Variants in ZBTB38 observed in about 807,000 individuals in gnomAD.
ZBTB38 encodes the protein zinc finger and BTB domain containing 38.
A neutral mutation model predicts 76.8 loss-of-function variants in ZBTB38; 20 were observed. The observed-to-expected ratio is 0.26, with a 90% CI of 0.18 to 0.38. The LOEUF is 0.38. ZBTB38 is among the 10% of genes least tolerant of loss of function. The pLI is 1.00. For missense variants in ZBTB38, 1,082 were observed against 1,482.3 expected (o/e 0.73, Z 4.43); for synonymous variants, 504 against 544.2 (o/e 0.93, Z 1.03).
intron 5 of ZBTB38, among the ~76,000 whole-genome samples, chr3:141,414,590 C>G (rs1027558271): frequency 5.9e-5 from 9 of 152,202 alleles, no homozygotes; most frequent in African/African-American, 2.2e-4. Context: ...GCAGCCCTGA[C>G]TAAGTTGCCC....
intron 2 of ZBTB38, among the ~76,000 whole-genome samples, chr3:141,373,012 G>C (rs760674880): frequency 4.6e-5 from 7 of 152,200 alleles, no homozygotes; most frequent in Non-Finnish European, 8.8e-5. Flanking sequence ...ATTACTACAG[G>C]AAGGGGAGTA....
At chr3:141,361,204 C>T (rs1307408110) in intron 1 of ZBTB38, among the ~76,000 whole-genome samples, 1 of 152,124 alleles carries the variant, frequency 6.6e-6, no homozygotes, top group Non-Finnish European at 1.5e-5. Context: ...TTGTCTTGTG[C>T]CTGGTGCCAT....
rs1411065076 is a variant in ZBTB38, at chr3:141,442,931, C to T, written c.543C>T (p.Ser181=). The T allele has an allele frequency of 6.8e-6, 11 of 1,614,206 alleles. No individual in the cohort carries two copies. In the East Asian group the frequency reaches 2.5e-4, roughly 36 times the overall value. ...IETENSNNMF[S]PLDLRASFKK... ...CAGAAAATAGTAATAACATGTTTTC[C>T]CCGCTGGACTTGAGGGCAAGTTTCA... Residue 181 remains serine (S), a synonymous_variant, in exon 6 of 6, where the codon TCC becomes TCT. Transcript: ENST00000321464. The surrounding 1 kb of genome is among the most constrained non-coding windows in gnomAD (Gnocchi z 6.4).
rs761947773 is a variant in ZBTB38, at chr3:141,444,312, C to A, written c.1924C>A (p.Pro642Thr). Reference protein sequence around the residue: ...PLETSACQDIPTSANVQNAEG... With the variant: ...PLETSACQDITTSANVQNAEG... ...GGAAACATCTGCATGTCAGGACATA[C>A]CCACTTCTGCCAATGTACAAAATGC... The change falls in exon 6 of 6, where the codon CCC (proline) becomes ACC (threonine). Residue 642 changes from proline (P) to threonine (T), a missense_variant. Around this residue, in one of 8 missense-constraint regions of ZBTB38, gnomAD observed 471 missense variants for 581.0 expected, o/e 0.81. Transcript: ENST00000321464. This position sits in a 1 kb window ranked among gnomAD's most constrained non-coding sequence, Gnocchi z 5.1. The A allele has an allele frequency of 3.7e-6, 6 of 1,614,068 alleles. No homozygotes were observed. In the Admixed American group the frequency reaches 8.3e-5, roughly 22 times the overall value.
chr3:141,430,070 G>A (rs1456996386), intron 5 of ZBTB38, among the ~76,000 whole-genome samples: 1 of 152,152 alleles, frequency 6.6e-6, no homozygotes, highest in East Asian at 1.9e-4. Context: ...GTTTTGTTTT[G>A]TTTTGTTTTT....
rs139167713 is a variant in ZBTB38, at chr3:141,376,762, C to T, written c.-234-4663C>T. 3.4e-3 allele frequency among the ~76,000 whole-genome samples: 525 copies of T among 152,274 alleles called. 5 individuals carry two copies. Among genetic ancestry groups the T allele is most frequent in the African/African-American group, 0.012 (491 of 41,540 alleles). On this transcript the variant is annotated intron_variant, in intron 2 of 5. Transcript: ENST00000321464. ...CATGTGGTGGTGACAGCAGTGCTTC[C>T]AAATCTCACCCACAGGAGACAAAAA...
chr3:141,367,588 G>A (rs753431041), upstream of ZBTB38: 3 of 152,178 alleles, frequency 2.0e-5, no homozygotes, highest in Admixed American at 6.5e-5. Context: ...ACTCAGCACC[G>A]TGATTAAGAA....
Position 141,445,971 on chromosome 3 carries a change from C to G in ZBTB38, c.3583C>G (p.Leu1195Val). 1.3e-6 allele frequency: 2 copies of G among 1,557,942 alleles called. No individual in the cohort carries two copies. The highest frequency in any genetic ancestry group is 1.7e-6 in the Non-Finnish European group (2 of 1,158,910). The stretch of plus-strand genomic sequence containing the variant: ...ACAAACCGGTGTGGAAAATGTTGTC[C>G]TTTGAGTGGCAAGAATTAGAAAAAT... Reference protein sequence around the residue: ...NIQTGVENVVL With the variant: ...NIQTGVENVVV Residue 1195 changes from leucine (L) to valine (V), a missense_variant, in exon 6 of 6, where the codon CTT becomes GTT. Transcript: ENST00000321464. The surrounding 1 kb of genome is among the most constrained non-coding windows in gnomAD (Gnocchi z 6.5).
In ZBTB38 at chr3:141,348,242, T is replaced by C. The variant is rs570430456; in HGVS notation, c.-738-20379T>C. ...GGTCATATGGTAAATGTAATGGAAA[T>C]GATAAATCATAAGCCCGTGAATAAT... On this transcript the variant is annotated intron_variant, in intron 1 of 7. Coordinates refer to the ZBTB38 transcript ENST00000509842. Among the ~76,000 whole-genome samples, 201 of 152,324 alleles carry C rather than the reference T, an allele frequency of 1.3e-3. 1 individual carries two copies. Among genetic ancestry groups the C allele is most frequent in the African/African-American group, 4.6e-3 (192 of 41,576 alleles).
intron 1 of ZBTB38, among the ~76,000 whole-genome samples, chr3:141,369,616 C>T (rs1559923560): frequency 6.6e-6 from 1 of 152,278 alleles, no homozygotes; most frequent in African/African-American, 2.4e-5. Flanking sequence ...AAGTCATCCC[C>T]TGAGTCAGCA....
chr3:141,399,375 T>C (rs1951172017), intron 4 of ZBTB38, among the ~76,000 whole-genome samples: 2 of 152,174 alleles, frequency 1.3e-5, no homozygotes, highest in Non-Finnish European at 2.9e-5. Context: ...CCCACGGGCA[T>C]GGGAAGTTGA....
At chr3:141,401,668 A>T (rs1281890830) in intron 4 of ZBTB38, among the ~76,000 whole-genome samples, 1 of 151,776 alleles carries the variant, frequency 6.6e-6, no homozygotes, top group Non-Finnish European at 1.5e-5. Context: ...AACACAGGGA[A>T]CATGGACGAT....
intron 4 of ZBTB38, among the ~76,000 whole-genome samples, chr3:141,400,091 CAGAAA>C (rs1047502593): frequency 8.2e-5 from 11 of 134,046 alleles, no homozygotes; most frequent in African/African-American, 2.8e-4. Flanking sequence ...TAAACTTTTA[CAGAAA>C]AGAAAATAAT....
chr3:141,440,435 A>G (rs1160365998), intron 5 of ZBTB38, among the ~76,000 whole-genome samples: 1 of 152,246 alleles, frequency 6.6e-6, no homozygotes, highest in African/African-American at 2.4e-5. Context: ...AAAAAGGTAG[A>G]GAGGTTCTTT....
chr3:141,371,045 C>CTTTCTTTTTTTTTT (rs1944498561), intron 2 of ZBTB38, among the ~76,000 whole-genome samples: 1 of 72,004 alleles, frequency 1.4e-5, no homozygotes, highest in African/African-American at 7.8e-5. Context: ...TTCTTTCTTT[C>CTTTCTTTTTTTTTT]TTTTTTTTTT....
intron 1 of ZBTB38, among the ~76,000 whole-genome samples, chr3:141,345,356 G>A (rs189211061): frequency 1.3e-5 from 2 of 152,084 alleles, no homozygotes; most frequent in Non-Finnish European, 2.9e-5. Flanking sequence ...GCTACCCTTG[G>A]CTATGGCTGC....
intron 4 of ZBTB38, among the ~76,000 whole-genome samples, chr3:141,399,073 G>A (rs1313039453): frequency 6.6e-6 from 1 of 151,520 alleles, no homozygotes; most frequent in Non-Finnish European, 1.5e-5. Context: ...CTCTATCTCA[G>A]AGATTTCCTG....
intron 5 of ZBTB38, among the ~76,000 whole-genome samples, chr3:141,428,061 C>T (rs1467318222): frequency 1.3e-5 from 2 of 152,224 alleles, no homozygotes; most frequent in Non-Finnish European, 2.9e-5. Flanking sequence ...TCAGATCATC[C>T]TGGCAACTGC....
chr3:141,359,229 T>C (rs1290672280), intron 1 of ZBTB38, among the ~76,000 whole-genome samples: 2 of 152,256 alleles, frequency 1.3e-5, no homozygotes, highest in African/African-American at 2.4e-5. Flanking sequence ...CCCCTCATTG[T>C]TGGAAGATGC....
Sources: gnomAD v4.1 joint callset for allele counts (sites outside exome capture counted in the v4.1 genomes callset) on GRCh38, gnomAD v4.1.1 for gene constraint, gnomAD v4.1.1 regional missense constraint, Gnocchi (gnomAD v3.1) non-coding constraint, MANE v1.5 for transcripts, NCBI Gene and HGNC (gene_info 2026-07-23, HGNC 2026-07-21) for gene names.